The following ZSWIM6 variants were observed in gnomAD, a reference collection of about 807,000 sequenced individuals.
ZSWIM6 encodes zinc finger SWIM domain-containing protein 6.
ZSWIM6 carries 9 observed loss-of-function variants against 113.2 expected under a neutral mutation model. The ratio of observed to expected loss-of-function variants is 0.08; its 90% confidence interval spans 0.05 to 0.14. ZSWIM6 has a LOEUF of 0.14. Among genes scored for constraint, ZSWIM6 ranks in the 10% least tolerant of loss-of-function variants. The pLI is 1.00. For missense variants in ZSWIM6, 1,162 were observed against 1,552.2 expected, an observed-to-expected ratio of 0.75 and a Z score of 4.22; for synonymous variants, 611 against 606.5, an observed-to-expected ratio of 1.01 and a Z score of -0.11.
Position 61,544,396 on chromosome 5 carries a change from T to A in ZSWIM6, c.*79T>A. 3 of 1,019,292 alleles carry A rather than the reference T, an allele frequency of 2.9e-6. No homozygotes were observed. The highest frequency in any genetic ancestry group is 2.9e-6 in the Non-Finnish European group (2 of 697,272). 63.1% of individuals were successfully genotyped at this position (1,019,292 alleles called of 1,614,324 possible). On this transcript the variant is annotated 3_prime_UTR_variant, in exon 14 of 14. Transcript: ENST00000252744. Reference sequence around the variant, plus strand: ...TACTTGAGCCTGCCTTTGTACCCTTTTTAACTTAAAGAACAGAGCCACACC... The same window carrying A: ...TACTTGAGCCTGCCTTTGTACCCTTATTAACTTAAAGAACAGAGCCACACC...
At chr5:61,520,601 G>A (rs1035435402) in intron 4 of ZSWIM6, among the ~76,000 whole-genome samples, 43 of 151,920 alleles carry the variant, frequency 2.8e-4, no homozygotes, top group African/African-American at 1.0e-3. Context: ...ATGTTTAAAT[G>A]GATTTTATTT....
intron 1 of ZSWIM6, among the ~76,000 whole-genome samples, chr5:61,414,303 AAAG>A (rs1325590521): frequency 6.6e-6 from 1 of 152,098 alleles, no homozygotes; most frequent in Admixed American, 6.6e-5. Flanking sequence ...TGGGGAAAAA[AAAG>A]AAGAAAGAAG....
intron 3 of ZSWIM6, among the ~76,000 whole-genome samples, chr5:61,493,278 A>G (rs1379216880): frequency 1.3e-5 from 2 of 152,128 alleles, no homozygotes; most frequent in African/African-American, 4.8e-5. Flanking sequence ...AGTGAGTAGA[A>G]GTATGCTGCT....
intron 9 of ZSWIM6, among the ~76,000 whole-genome samples, chr5:61,534,432 C>T (rs1200628816): frequency 6.6e-6 from 1 of 152,154 alleles, no homozygotes; most frequent in Non-Finnish European, 1.5e-5. Flanking sequence ...ACTGCTCTTA[C>T]CATTTCTTCT....
intron 5 of ZSWIM6, among the ~76,000 whole-genome samples, chr5:61,523,052 A>G (rs1468560290): frequency 6.6e-6 from 1 of 152,202 alleles, no homozygotes; most frequent in Non-Finnish European, 1.5e-5. Flanking sequence ...CTTGTTTCTA[A>G]GGGCAGTGTT....
intron 1 of ZSWIM6, among the ~76,000 whole-genome samples, chr5:61,412,839 T>G (rs1746172795): frequency 6.6e-6 from 1 of 152,214 alleles, no homozygotes; most frequent in Non-Finnish European, 1.5e-5. Context: ...CATTAAAATT[T>G]ATTTTCTGTT....
Position 61,472,558 on chromosome 5 carries a change from A to G in ZSWIM6, c.677-123A>G. 1 of 708,888 alleles carries G rather than the reference A, an allele frequency of 1.4e-6. No homozygotes were observed. Among genetic ancestry groups the G allele is most frequent in the Non-Finnish European group, 2.2e-6 (1 of 448,530 alleles). 43.9% of individuals were successfully genotyped at this position (708,888 alleles called of 1,614,324 possible). On this transcript the variant is annotated intron_variant, in intron 1 of 13. Transcript: ENST00000252744. The surrounding 1 kb of genome is among the most constrained non-coding windows in gnomAD (Gnocchi z 4.1). The stretch of plus-strand genomic sequence containing the variant: ...TAGTGGCCTGAATGTTTTTACTTGA[A>G]TATAGAGGCTGTCATATTTTTTTCT...
intron 1 of ZSWIM6, among the ~76,000 whole-genome samples, chr5:61,360,256 C>T (rs1192360553): frequency 6.6e-6 from 1 of 152,204 alleles, no homozygotes; most frequent in African/African-American, 2.4e-5. Context: ...TTTTCTTTCT[C>T]TCACCTTGCA....
intron 1 of ZSWIM6, among the ~76,000 whole-genome samples, chr5:61,357,472 A>C (rs979065661): frequency 6.6e-6 from 1 of 151,904 alleles, no homozygotes; most frequent in Non-Finnish European, 1.5e-5. Context: ...TACCTAAAGA[A>C]GAGATGGAAG....
At chr5:61,452,283 A>T (rs562413516) in intron 1 of ZSWIM6, among the ~76,000 whole-genome samples, 76 of 152,282 alleles carry the variant, frequency 5.0e-4, no homozygotes, top group African/African-American at 1.7e-3. Context: ...ATTCATAGCT[A>T]TATAGTATTC....
chr5:61,378,541 C>T (rs749884716), intron 1 of ZSWIM6, among the ~76,000 whole-genome samples: 97 of 151,276 alleles, frequency 6.4e-4, no homozygotes, highest in Non-Finnish European at 1.0e-3. Context: ...CAAGGACACC[C>T]TTTAATACCT....
chr5:61,411,317 T>G (rs1249213758), intron 1 of ZSWIM6, among the ~76,000 whole-genome samples: 1 of 152,210 alleles, frequency 6.6e-6, no homozygotes, highest in Admixed American at 6.5e-5. Context: ...TAATGACAAC[T>G]AAGGTGAGCA....
At chr5:61,429,394 G>A (rs573063041) in intron 1 of ZSWIM6, among the ~76,000 whole-genome samples, 26 of 152,314 alleles carry the variant, frequency 1.7e-4, no homozygotes, top group Middle Eastern at 3.4e-3. Flanking sequence ...AGAGAAGGGC[G>A]TTGGGAATGA....
chr5:61,502,330 G>A (rs941929876), intron 4 of ZSWIM6, among the ~76,000 whole-genome samples: 2 of 152,110 alleles, frequency 1.3e-5, no homozygotes, highest in African/African-American at 4.8e-5. Flanking sequence ...TTTAAGCTTC[G>A]TTAGGCTCAT....
At chr5:61,439,825 A>G (rs1305345504) in intron 1 of ZSWIM6, among the ~76,000 whole-genome samples, 1 of 152,146 alleles carries the variant, frequency 6.6e-6, no homozygotes, top group Non-Finnish European at 1.5e-5. Flanking sequence ...ATTTAAAAAG[A>G]CCTTTGAAAC....
intron 2 of ZSWIM6, among the ~76,000 whole-genome samples, chr5:61,484,304 T>A (rs1400106850): frequency 7.2e-5 from 11 of 152,204 alleles, no homozygotes; most frequent in Non-Finnish European, 7.4e-5. Context: ...GAGAACAACT[T>A]AAAAAAATGA....
chr5:61,355,582 A>G (rs1464793267), intron 1 of ZSWIM6, among the ~76,000 whole-genome samples: 1 of 152,274 alleles, frequency 6.6e-6, no homozygotes, highest in East Asian at 1.9e-4. Flanking sequence ...AAACTTTTAA[A>G]AAATATAATT....
chr5:61,364,070 G>T, intron 1 of ZSWIM6, among the ~76,000 whole-genome samples: 1 of 139,542 alleles, frequency 7.2e-6, no homozygotes, highest in African/African-American at 2.7e-5. Context: ...TTCTTTTCTG[G>T]GTCTCACTGT....
intron 12 of ZSWIM6, among the ~76,000 whole-genome samples, chr5:61,541,220 G>A (rs1471488092): frequency 6.6e-6 from 1 of 152,042 alleles, no homozygotes; most frequent in African/African-American, 2.4e-5. Flanking sequence ...CAGGATTACA[G>A]GCATGAGCCA....
Sources: gnomAD v4.1 joint callset for allele counts (sites outside exome capture counted in the v4.1 genomes callset) on GRCh38, gnomAD v4.1.1 for gene constraint, Gnocchi (gnomAD v3.1) non-coding constraint, MANE v1.5 for transcripts, NCBI Gene and HGNC (gene_info 2026-07-23, HGNC 2026-07-21) for gene names.